ZNF584: variants seen among roughly 807,000 people sequenced by gnomAD.
ZNF584 encodes zinc finger protein 584.
A neutral mutation model predicts 14.7 loss-of-function variants in ZNF584; 12 were observed. The ratio of observed to expected loss-of-function variants is 0.82; its 90% confidence interval spans 0.52 to 1.32. The LOEUF (loss-of-function observed/expected upper bound fraction) is 1.32, where lower values mean the gene tolerates loss of function less well. ZNF584 is among the 40% of genes most tolerant of loss of function. The pLI, the probability that ZNF584 is intolerant of heterozygous loss-of-function variation, is 0.00. For synonymous variants in ZNF584, 204 were observed against 190.9 expected (o/e 1.07, Z -0.57); for missense variants, 478 against 518.8 (o/e 0.92, Z 0.76).
chr19:58,409,324 A>G, intron 1 of ZNF584, 159 bp downstream of exon 1: 1 of 885,728 alleles, frequency 1.1e-6, no homozygotes, highest in Middle Eastern at 3.8e-4. Context: ...GAGCCATTGG[A>G]GATGTGCCGC....
At chr19:58,401,934 TGGC>T (rs1197242908) in intron 1 of ZNF584, among the ~76,000 whole-genome samples, 6 of 126,936 alleles carry the variant, frequency 4.7e-5, no homozygotes, top group Non-Finnish European at 9.5e-5. Context: ...CCGGACGTGG[TGGC>T]GGGCGCCTGT....
intron 2 of ZNF584, among the ~76,000 whole-genome samples, chr19:58,412,541 G>C (rs575836663): frequency 6.6e-6 from 1 of 152,118 alleles, no homozygotes; most frequent in South Asian, 2.1e-4. Context: ...CCGACCTCAG[G>C]TGATCCACCC....
At chr19:58,409,906 T>C (rs764564412) in intron 1 of ZNF584, 35 bp from the exon 2 acceptor site, 5 of 1,613,692 alleles carry the variant, frequency 3.1e-6, no homozygotes, top group Non-Finnish European at 4.2e-6. Flanking sequence ...TGTCCATATT[T>C]TGGTTGTTTT....
intron 2 of ZNF584, among the ~76,000 whole-genome samples, chr19:58,412,099 C>T (rs1356208396): frequency 6.6e-6 from 1 of 150,618 alleles, no homozygotes; most frequent in East Asian, 1.9e-4. Context: ...CTCCTGCCCC[C>T]GCCTCCTGAG....
At chr19:58,401,563 G>A (rs1168691222), upstream of ZNF584, 2 of 152,238 alleles carry the variant, frequency 1.3e-5, no homozygotes, top group Non-Finnish European at 2.9e-5. Flanking sequence ...AGAACAGTGA[G>A]CACCAGCACT....
intron 2 of ZNF584, among the ~76,000 whole-genome samples, chr19:58,410,539 A>ATATATATG (rs2052535581): frequency 2.6e-5 from 1 of 38,706 alleles, no homozygotes; most frequent in East Asian, 5.1e-4. Context: ...ATATATATAT[A>ATATATATG]TATATATATA....
Position 58,409,318 on chromosome 19 carries a change from C to T in ZNF584, c.18+153C>T, listed in dbSNP as rs991961037. On this transcript the variant is annotated intron_variant, in intron 1 of 3. Transcript: ENST00000306910. Reference sequence around the variant, plus strand: ...GGGGCATGCCCTTGGCAGTGGGAGCCATTGGAGATGTGCCGCAGGACTGGG... The same window carrying T: ...GGGGCATGCCCTTGGCAGTGGGAGCTATTGGAGATGTGCCGCAGGACTGGG... 63 of 926,656 alleles carry T rather than the reference C, an allele frequency of 6.8e-5. 1 individual carries two copies. Among genetic ancestry groups the T allele is most frequent in the Admixed American group, 3.1e-4 (8 of 26,050 alleles). The allele number at this position is 926,656 out of a possible 1,614,324, so 57.4% of individuals were successfully genotyped here.
At position 58,417,541 on chromosome 19, in the gene ZNF584, C is replaced by CT. The variant is rs2052661194; in HGVS notation, c.1024dup (p.Tyr342LeufsTer14). 2 of 1,614,208 alleles carry CT rather than the reference C, an allele frequency of 1.2e-6. No homozygotes were observed. Among genetic ancestry groups the CT allele is most frequent in the African/African-American group, 2.7e-5 (2 of 75,060 alleles). ...AAGGCTACGTGACCCGTTCAGGCCT[C>CT]TATCAGCACTGGAAAGTCCACACTG... On this transcript the variant is annotated frameshift_variant, in exon 4 of 4. Coordinates refer to ENST00000306910, the MANE Select transcript of ZNF584 (RefSeq NM_173548.3). LOFTEE classifies it low-confidence loss of function (END_TRUNC).
Position 58,417,060 on chromosome 19 carries a change from A to T in ZNF584, c.542A>T (p.His181Leu). The change falls in exon 4 of 4, where the codon CAT becomes CTT. Residue 181 changes from histidine to leucine, a missense_variant. By Grantham distance (99) the His-to-Leu change is moderately conservative (BLOSUM62 -3). Transcript: ENST00000306910. ...GCCCTCCTTGACCATCTGATAACGC[A>T]TTCTGAAGAGAGACCCTTCAGATGC... ...AFALLDHLITHSEERPFRCPT... is the reference protein window; with the variant it reads ...AFALLDHLITLSEERPFRCPT... The T allele has an allele frequency of 6.2e-7, 1 of 1,613,468 alleles. No individual in the cohort carries two copies. The highest frequency in any genetic ancestry group is 1.3e-5 in the African/African-American group (1 of 75,062).
chr19:58,408,327 C>T (rs948708175), upstream of ZNF584: 1 of 152,292 alleles, frequency 6.6e-6, no homozygotes, highest in African/African-American at 2.4e-5. Flanking sequence ...TGTGAGGTCA[C>T]CGGGGTTCAG....
upstream of ZNF584, chr19:58,407,987 C>T (rs2052488902): frequency 6.8e-6 from 1 of 146,426 alleles, no homozygotes; most frequent in South Asian, 2.1e-4. Flanking sequence ...CTGGCATCCA[C>T]ACCTGTGGCC....
chr19:58,403,017 T>C (rs974070453), intron 1 of ZNF584, among the ~76,000 whole-genome samples: 1 of 152,158 alleles, frequency 6.6e-6, no homozygotes, highest in African/African-American at 2.4e-5. Flanking sequence ...AAAACACTGA[T>C]AGCACCATAT....
At chr19:58,415,446 C>G (rs889364030) in intron 2 of ZNF584, 78 bp from the exon 3 acceptor site, 32 of 1,528,744 alleles carry the variant, frequency 2.1e-5, no homozygotes, top group Non-Finnish European at 2.5e-5. Flanking sequence ...GATCTCCTAC[C>G]TCACTTTCCA....
intron 2 of ZNF584, among the ~76,000 whole-genome samples, chr19:58,414,620 G>T (rs1202684452): frequency 6.6e-6 from 1 of 151,998 alleles, no homozygotes; most frequent in Non-Finnish European, 1.5e-5. Context: ...GGGATTACAG[G>T]CATGAGCCAC....
At chr19:58,410,546 T>TTTTTTTTTTTTTTTTTTTG (rs1568584382) in intron 2 of ZNF584, among the ~76,000 whole-genome samples, 1 of 62,540 alleles carries the variant, frequency 1.6e-5, no homozygotes, top group African/African-American at 1.3e-4. Context: ...TATATATATA[T>TTTTTTTTTTTTTTTTTTTG]ATATATATAT....
At chr19:58,404,576 A>G (rs1200136845), upstream of ZNF584, 1 of 186,474 alleles carries the variant, frequency 5.4e-6, no homozygotes, top group Non-Finnish European at 1.1e-5. Context: ...ACAGGATCCC[A>G]AGGCAGAAGA....
upstream of ZNF584, chr19:58,408,454 T>A (rs1298056425): frequency 1.3e-5 from 2 of 152,330 alleles, no homozygotes; most frequent in Non-Finnish European, 2.9e-5. Context: ...CACCGCCCAA[T>A]GATCCCACTG....
intron 2 of ZNF584, among the ~76,000 whole-genome samples, chr19:58,410,453 G>A (rs2052530543): frequency 6.8e-6 from 1 of 146,830 alleles, no homozygotes; most frequent in Non-Finnish European, 1.5e-5. Context: ...CCCTACAAAA[G>A]AAATTTTACA....
intron 1 of ZNF584, among the ~76,000 whole-genome samples, chr19:58,403,099 T>G (rs1332656507): frequency 1.3e-5 from 2 of 152,238 alleles, no homozygotes; most frequent in African/African-American, 4.8e-5. Context: ...ATAGCCACTT[T>G]GGAAGACAGT....
Sources: gnomAD v4.1 joint callset for allele counts (sites outside exome capture counted in the v4.1 genomes callset) on GRCh38, gnomAD v4.1.1 for gene constraint, MANE v1.5 for transcripts, NCBI Gene and HGNC (gene_info 2026-07-23, HGNC 2026-07-21) for gene names.